SH3RF1: variants seen among roughly 807,000 people sequenced by gnomAD.
SH3RF1 encodes the protein SH3 domain containing ring finger 1, also known as E3 ubiquitin-protein ligase SH3RF1.
A neutral mutation model predicts 74.0 loss-of-function variants in SH3RF1; 32 were observed. The ratio of observed to expected loss-of-function variants is 0.43; its 90% CI spans 0.33 to 0.58. SH3RF1 has a LOEUF of 0.58. Among genes scored for constraint, SH3RF1 ranks in the 20% least tolerant of loss-of-function variants. SH3RF1 has a pLI of 0.05. For missense variants in SH3RF1, 954 were observed against 1,130.9 expected (o/e 0.84, Z 2.24); for synonymous variants, 396 against 439.6 (o/e 0.90, Z 1.24).
intron 2 of SH3RF1, among the ~76,000 whole-genome samples, chr4:169,186,874 C>T (rs1365548335): frequency 1.3e-5 from 2 of 149,068 alleles, no homozygotes; most frequent in Non-Finnish European, 1.5e-5. Flanking sequence ...ATTAGCGGGG[C>T]GTGGTGGCGG....
At chr4:169,230,003 C>T (rs746656935) in intron 2 of SH3RF1, among the ~76,000 whole-genome samples, 4 of 124,038 alleles carry the variant, frequency 3.2e-5, no homozygotes, top group Non-Finnish European at 5.4e-5. Flanking sequence ...GTCAGGAGTT[C>T]GAGACTAGCC....
chr4:169,190,574 C>A (rs1301688504), intron 2 of SH3RF1, among the ~76,000 whole-genome samples: 2 of 150,550 alleles, frequency 1.3e-5, no homozygotes, highest in African/African-American at 2.4e-5. Context: ...CTGAAATGGT[C>A]ATTTTAAAAT....
intron 2 of SH3RF1, among the ~76,000 whole-genome samples, chr4:169,231,696 T>A (rs897455144): frequency 1.3e-5 from 2 of 152,204 alleles, no homozygotes; most frequent in Non-Finnish European, 2.9e-5. Context: ...CCATCCAACA[T>A]AACCACCCAC....
At chr4:169,189,700 C>T (rs1487070190) in intron 2 of SH3RF1, among the ~76,000 whole-genome samples, 1 of 152,118 alleles carries the variant, frequency 6.6e-6, no homozygotes, top group East Asian at 1.9e-4. Flanking sequence ...TATTTCTGAC[C>T]CACTGCTGGT....
At chr4:169,217,021 G>A (rs1162853208) in intron 2 of SH3RF1, among the ~76,000 whole-genome samples, 1 of 151,084 alleles carries the variant, frequency 6.6e-6, no homozygotes, top group East Asian at 1.9e-4. Context: ...AAACCAGCCA[G>A]GTGTGGTGGT....
At chr4:169,218,610 G>A (rs1285994349) in intron 2 of SH3RF1, among the ~76,000 whole-genome samples, 5 of 151,338 alleles carry the variant, frequency 3.3e-5, no homozygotes, top group Non-Finnish European at 7.4e-5. Flanking sequence ...CACTCACAGG[G>A]AAGGGCAGCT....
intron 2 of SH3RF1, among the ~76,000 whole-genome samples, chr4:169,191,414 C>T (rs781681149): frequency 3.3e-4 from 49 of 150,614 alleles, no homozygotes; most frequent in Non-Finnish European, 1.3e-4. Flanking sequence ...CAAATGGAAA[C>T]ACATCCCATG....
At chr4:169,150,837 A>G (rs1234025748) in intron 4 of SH3RF1, among the ~76,000 whole-genome samples, 1 of 152,206 alleles carries the variant, frequency 6.6e-6, no homozygotes, top group Non-Finnish European at 1.5e-5. Flanking sequence ...TAGAGATTAC[A>G]AGATCTAAGC....
intron 2 of SH3RF1, among the ~76,000 whole-genome samples, chr4:169,224,971 T>C (rs772350009): frequency 5.9e-5 from 9 of 152,186 alleles, no homozygotes; most frequent in Admixed American, 1.3e-4. Flanking sequence ...TTTTATACTT[T>C]AAGCAGAGTA....
chr4:169,096,254 T>TAAA lies in SH3RF1; in HGVS notation c.*262_*264dup, dbSNP rs879873426. On this transcript the variant is annotated 3_prime_UTR_variant, in exon 12 of 12. Transcript: ENST00000284637. ...AATTGTCCATTTTAGTCATATATCT[T>TAAA]AAAAAAAAAAAAAAGTTTCTCTGTG... The TAAA allele has an allele frequency of 1.4e-5, 4 of 288,712 alleles. No individual in the cohort carries two copies. The highest frequency in any genetic ancestry group is 6.9e-5 in the African/African-American group (3 of 43,292). The allele number at this position is 288,712 out of a possible 1,614,324, so 17.9% of individuals were successfully genotyped here. A position where few individuals can be genotyped will look rare whatever the true frequency, so the allele number is the denominator to read the frequency against.
At chr4:169,153,182 C>T (rs1260498934) in intron 4 of SH3RF1, among the ~76,000 whole-genome samples, 1 of 152,134 alleles carries the variant, frequency 6.6e-6, no homozygotes. Flanking sequence ...TTACCATGCT[C>T]TGGTACCCTC....
intron 2 of SH3RF1, among the ~76,000 whole-genome samples, chr4:169,265,755 C>T (rs536633426): frequency 6.6e-6 from 1 of 152,108 alleles, no homozygotes; most frequent in Non-Finnish European, 1.5e-5. Flanking sequence ...GGATTATAGG[C>T]GTGAGCCACC....
At chr4:169,260,502 C>T (rs1189303626) in intron 2 of SH3RF1, among the ~76,000 whole-genome samples, 1 of 152,076 alleles carries the variant, frequency 6.6e-6, no homozygotes, top group Non-Finnish European at 1.5e-5. Context: ...ATGCAAAAGC[C>T]AGGGATGAAG....
chr4:169,160,675 G>A (rs891295815), intron 2 of SH3RF1, among the ~76,000 whole-genome samples: 1 of 152,106 alleles, frequency 6.6e-6, no homozygotes, highest in Admixed American at 6.5e-5. Flanking sequence ...AAGCCAGTTT[G>A]GGTCAAGTTT....
intron 10 of SH3RF1, among the ~76,000 whole-genome samples, chr4:169,113,514 C>A (rs1045681456): frequency 2.2e-4 from 34 of 152,190 alleles, no homozygotes; most frequent in African/African-American, 8.2e-4. Context: ...GGAAATAAAA[C>A]TCTTCCAGGA....
intron 4 of SH3RF1, among the ~76,000 whole-genome samples, chr4:169,147,088 A>G (rs181149192): frequency 1.1e-4 from 17 of 152,314 alleles, no homozygotes; most frequent in Admixed American, 6.5e-4. Context: ...AGAGAGACCA[A>G]TGGATAATTT....
At chr4:169,224,804 G>C (rs1730631829) in intron 2 of SH3RF1, among the ~76,000 whole-genome samples, 1 of 152,212 alleles carries the variant, frequency 6.6e-6, no homozygotes, top group Admixed American at 6.5e-5. Flanking sequence ...GAGCCATCAG[G>C]ATTTGCCTAA....
At position 169,263,817 on chromosome 4, in the gene SH3RF1, T is replaced by C. The variant is rs370222729; in HGVS notation, c.393+5003A>G. 2.6e-5 allele frequency among the ~76,000 whole-genome samples: 4 copies of C among 152,348 alleles called. No individual in the cohort carries two copies. The East Asian group carries it at 7.7e-4, about 29-fold the overall frequency. On this transcript the variant is annotated intron_variant, in intron 2 of 11. Coordinates refer to ENST00000284637, the MANE Select transcript of SH3RF1 (RefSeq NM_020870.4). The stretch of plus-strand genomic sequence containing the variant: ...AAGTAGTAGTTTTCCCCTCTCAATA[T>C]TTCCTTCATTTCCTCCAGAACTTTC...
intron 2 of SH3RF1, among the ~76,000 whole-genome samples, chr4:169,212,356 G>A (rs1383285933): frequency 7.2e-5 from 11 of 151,996 alleles, no homozygotes; most frequent in Admixed American, 6.6e-5. Flanking sequence ...GAGCCACCGC[G>A]CCTGGACTAT....
Sources: gnomAD v4.1 joint callset for allele counts (sites outside exome capture counted in the v4.1 genomes callset) on GRCh38, gnomAD v4.1.1 for gene constraint, MANE v1.5 for transcripts, NCBI Gene and HGNC (gene_info 2026-07-23, HGNC 2026-07-21) for gene names.